Variants in TMEM184A observed in about 807,000 individuals in gnomAD.
The protein encoded by TMEM184A is sexually dimorphic, expressed in male gonads 1.
Under a neutral mutation model 39.5 loss-of-function variants are expected in TMEM184A, and 40 were observed. The observed-to-expected ratio is 1.01, with a 90% CI of 0.79 to 1.32. The LOEUF is 1.32. Ranked by LOEUF, TMEM184A falls within the 40% of genes most tolerant of loss-of-function variation. The pLI, the probability that TMEM184A is intolerant of heterozygous loss-of-function variation, is 0.00. For missense variants in TMEM184A, 603 were observed against 568.8 expected (o/e 1.06, Z -0.61); for synonymous variants, 280 against 252.3 (o/e 1.11, Z -1.04).
In TMEM184A at chr7:1,546,824, G is replaced by A. The variant is rs1026716248; in HGVS notation, c.*128C>T. The A allele has an allele frequency of 1.3e-5, 8 of 628,292 alleles. No homozygotes were observed. The highest frequency in any genetic ancestry group is 3.1e-5 in the East Asian group (1 of 32,152). 38.9% of individuals were successfully genotyped at this position (628,292 alleles called of 1,614,324 possible). A position where few individuals can be genotyped will look rare whatever the true frequency, so the allele number is the denominator to read the frequency against. The stretch of plus-strand genomic sequence containing the variant: ...GGAGGGAGGATGGGAAGTGGGCTCC[G>A]AGGGCCTCACAGGTGGGCTCTCAGG... On this transcript the variant is annotated 3_prime_UTR_variant, in exon 9 of 9. Coordinates refer to ENST00000297477, the MANE Select transcript of TMEM184A (RefSeq NM_001097620.2).
intron 2 of TMEM184A, 58 bp from the exon 3 acceptor site, chr7:1,551,040 CAGG>C: frequency 6.7e-7 from 1 of 1,495,326 alleles, no homozygotes. Context: ...TGGACCAGCC[CAGG>C]TGAGCCGGGA....
At chr7:1,547,715 G>A (rs1278696418) in intron 8 of TMEM184A, 27 bp downstream of exon 8, 2 of 1,598,564 alleles carry the variant, frequency 1.3e-6, no homozygotes, top group African/African-American at 1.3e-5. Flanking sequence ...TGCGCTCCGG[G>A]TGCCCCAGCT....
In TMEM184A at chr7:1,547,875, G is replaced by A. The variant is rs766099750; in HGVS notation, c.879C>T (p.Asn293=). ...VIPEVETSGG[N]KLGAGTLAAG... is the part of the protein sequence containing the mutation. The stretch of plus-strand genomic sequence containing the variant: ...CGGCCAGCGTGCCAGCCCCCAGCTT[G>A]TTCCCGCCGCTGGTCTCCACCTCCG... The change falls in exon 8 of 9, where the codon AAC becomes AAT. Residue 293 remains asparagine, a synonymous_variant. Coordinates refer to ENST00000297477, the MANE Select transcript of TMEM184A (RefSeq NM_001097620.2). The A allele has an allele frequency of 1.9e-5, 31 of 1,600,700 alleles. No homozygotes were observed. In the Admixed American group the frequency reaches 2.0e-4, roughly 11 times the overall value.
intron 7 of TMEM184A, among the ~76,000 whole-genome samples, chr7:1,548,316 G>A (rs1337438104): frequency 6.6e-6 from 1 of 152,092 alleles, no homozygotes; most frequent in Non-Finnish European, 1.5e-5. Context: ...ACCTGCTGGC[G>A]GGACCTCCCC....
intron 2 of TMEM184A, among the ~76,000 whole-genome samples, chr7:1,554,323 C>T (rs1008712910): frequency 2.0e-5 from 3 of 152,140 alleles, no homozygotes; most frequent in African/African-American, 7.2e-5. Flanking sequence ...TGGCCCCCTG[C>T]CCCAGCTCAC....
At position 1,542,586 on chromosome 7, in the gene TMEM184A, C is replaced by T. The variant is rs1017034429; in HGVS notation, c.*4366G>A. On this transcript the variant is annotated 3_prime_UTR_variant, in exon 9 of 9. Transcript: ENST00000297477. ...CCAGGGTGGACGGAGCCGCTGTCACCGCCCAGAGCTGGGCCGGGGAAGCAC... is the reference window on the plus strand; with the variant it reads ...CCAGGGTGGACGGAGCCGCTGTCACTGCCCAGAGCTGGGCCGGGGAAGCAC... 1 of 152,304 alleles carries T rather than the reference C, an allele frequency of 6.6e-6. No individual in the cohort carries two copies. Among genetic ancestry groups the T allele is most frequent in the Non-Finnish European group, 1.5e-5 (1 of 68,056 alleles). 9.4% of individuals were successfully genotyped at this position (152,304 alleles called of 1,614,324 possible).
chr7:1,551,691 C>T (rs561117981), intron 2 of TMEM184A, among the ~76,000 whole-genome samples: 1 of 152,052 alleles, frequency 6.6e-6, no homozygotes, highest in Non-Finnish European at 1.5e-5. Context: ...AATCCCAGCA[C>T]TTTGGGAGGC....
intron 6 of TMEM184A, 80 bp downstream of exon 6, chr7:1,549,774 G>C (rs575183784): frequency 7.5e-7 from 1 of 1,325,082 alleles, no homozygotes; most frequent in East Asian, 2.4e-5. Context: ...CGCCAAGTCC[G>C]CCTCGTTGGG....
rs1351763408 is a variant in TMEM184A at position 1,550,210 on chromosome 7, G to A, written c.477-12C>T. On this transcript the variant is annotated splice_polypyrimidine_tract_variant and intron_variant, in intron 4 of 8. Coordinates refer to ENST00000297477, the MANE Select transcript of TMEM184A (RefSeq NM_001097620.2). ...ACAAGCAGCTGGACCTGCGGGGGAC[G>A]TCCCTGAGCCGGTGCGGGAGAATGC... The A allele has an allele frequency of 1.2e-5, 20 of 1,605,912 alleles. No individual in the cohort carries two copies. The highest frequency in any genetic ancestry group is 2.7e-5 in the African/African-American group (2 of 74,812).
chr7:1,550,227 G>A, intron 4 of TMEM184A, 29 bp from the exon 5 acceptor site: 9 of 1,605,568 alleles, frequency 5.6e-6, no homozygotes, highest in Non-Finnish European at 7.6e-6. Flanking sequence ...AGCCGGTGCG[G>A]GAGAATGCAG....
Position 1,550,831 on chromosome 7 carries a change from C to G in TMEM184A, c.371G>C (p.Arg124Pro). The G allele has an allele frequency of 6.2e-7, 1 of 1,613,160 alleles. No homozygotes were observed. The highest frequency in any genetic ancestry group is 2.2e-5 in the East Asian group (1 of 44,868). Residue 124 changes from arginine (R) to proline (P), a missense_variant, in exon 3 of 9, where the codon CGG (arginine) becomes CCG (proline). Coordinates refer to ENST00000297477, the MANE Select transcript of TMEM184A (RefSeq NM_001097620.2). ...CTGGCGCCCACCTTCGTAGCAGTCC[C>G]GCACAGAGTCGAAGTAGACGTAGTA... ...HQYYVYFDSVRDCYEAFVIYS... is the reference protein window; with the variant it reads ...HQYYVYFDSVPDCYEAFVIYS...
rs1301104416 is a variant in TMEM184A at position 1,555,403 on chromosome 7, C to A, written c.82G>T (p.Ala28Ser). ...ANWPQPSPPP[A>S]VPAGPQMDHM... ...TCCATCTGCGGCCCAGCTGGCACAG[C>A]CGGTGGGGGGCTGGGCTGCGGCCAG... The change falls in exon 2 of 9, where the codon GCT becomes TCT. Residue 28 changes from alanine (A) to serine (S), a missense_variant. Ala to Ser is a moderately conservative substitution (Grantham distance 99). Transcript: ENST00000297477. The surrounding 1 kb of genome is among the most constrained non-coding windows in gnomAD (Gnocchi z 5.2). 2 of 1,611,882 alleles carry A rather than the reference C, an allele frequency of 1.2e-6. No individual in the cohort carries two copies. Among genetic ancestry groups the A allele is most frequent in the Non-Finnish European group, 8.5e-7 (1 of 1,179,668 alleles).
At chr7:1,551,984 C>A (rs965240709) in intron 2 of TMEM184A, among the ~76,000 whole-genome samples, 3 of 151,564 alleles carry the variant, frequency 2.0e-5, no homozygotes, top group African/African-American at 7.3e-5. Context: ...GCTCTCTTGC[C>A]CAGGTTTTTT....
At position 1,548,662 on chromosome 7, in the gene TMEM184A, G is replaced by T; in HGVS notation, c.671C>A (p.Thr224Asn). ...GCTGACGGAGGCGTTGTAGATGAGG[G>T]TCACATAGAGGTAGCCGCTGCGGAC... ...FNVRSGYLYV[T>N]LIYNASVSLA... Residue 224 changes from threonine (T) to asparagine (N), a missense_variant, in exon 7 of 9, where the codon ACC becomes AAC. By Grantham distance (65) the Thr-to-Asn change is moderately conservative. Coordinates refer to ENST00000297477, the MANE Select transcript of TMEM184A (RefSeq NM_001097620.2). The T allele has an allele frequency of 1.2e-6, 2 of 1,613,834 alleles. No individual in the cohort carries two copies. The highest frequency in any genetic ancestry group is 1.7e-6 in the Non-Finnish European group (2 of 1,179,970).
intron 2 of TMEM184A, among the ~76,000 whole-genome samples, chr7:1,554,359 G>T (rs980188268): frequency 6.6e-6 from 1 of 151,962 alleles, no homozygotes; most frequent in African/African-American, 2.4e-5. Flanking sequence ...CTACACCAGT[G>T]CCCCGTGCAC....
intron 8 of TMEM184A, 108 bp downstream of exon 8, chr7:1,547,634 T>A: frequency 3.2e-6 from 4 of 1,235,850 alleles, no homozygotes; most frequent in Non-Finnish European, 4.6e-6. Context: ...CCCGTCTCCC[T>A]GCCCAGCGAG....
rs750785104 is a variant in TMEM184A at position 1,550,117 on chromosome 7, C to T, written c.552+6G>A. The T allele has an allele frequency of 1.9e-6, 3 of 1,598,936 alleles. No individual in the cohort carries two copies. The highest frequency in any genetic ancestry group is 1.1e-5 in the South Asian group (1 of 89,622). On this transcript the variant is annotated splice_donor_region_variant and intron_variant, in intron 5 of 8. Coordinates refer to ENST00000297477, the MANE Select transcript of TMEM184A (RefSeq NM_001097620.2). ...GGAGGGCGGGCAGGGCTGGGTGGCC[C>T]CTCACCTGCTTACAGAAGCGCAGGA...
chr7:1,550,466 C>A, intron 3 of TMEM184A, 71 bp from the exon 4 acceptor site: 5 of 1,338,280 alleles, frequency 3.7e-6, no homozygotes, highest in South Asian at 1.3e-5. Context: ...GCCCATCTCA[C>A]CAGGGCAGGA....
In TMEM184A at chr7:1,555,330, G is replaced by A. The variant is rs767995109; in HGVS notation, c.155C>T (p.Ser52Phe). ...SQGAPWLFLT[S>F]ALARGVSGIF... ...CCCCGAGACGCCTCGGGCCAGTGCG[G>A]AGGTGAGGAAGAGCCAGGGGGCCCC... The change falls in exon 2 of 9, where the codon TCC becomes TTC. Residue 52 changes from serine to phenylalanine, a missense_variant. Ser to Phe is a radical substitution (Grantham distance 155). Transcript: ENST00000297477. The surrounding 1 kb of genome is among the most constrained non-coding windows in gnomAD (Gnocchi z 5.2). 1.2e-6 allele frequency: 2 copies of A among 1,610,410 alleles called. No individual in the cohort carries two copies. Among genetic ancestry groups the A allele is most frequent in the African/African-American group, 1.3e-5 (1 of 74,736 alleles).
Sources: allele counts gnomAD v4.1 joint callset (sites outside exome capture counted in the v4.1 genomes callset), GRCh38; gene constraint gnomAD v4.1.1; non-coding constraint Gnocchi (gnomAD v3.1); transcripts MANE v1.5; gene names NCBI Gene and HGNC (gene_info 2026-07-23, HGNC 2026-07-21).